ATXN1: variants seen among roughly 807,000 people sequenced by gnomAD.
ATXN1 encodes ataxin 1.
Under a neutral mutation model 56.4 loss-of-function variants are expected in ATXN1, and 8 were observed. That is an observed-to-expected ratio of 0.14 (90% CI 0.08 to 0.26). The LOEUF is 0.26. Ranked by LOEUF, ATXN1 falls within the 10% of genes least tolerant of loss-of-function variation. The pLI, the probability that ATXN1 is intolerant of heterozygous loss-of-function variation, is 1.00. For missense variants in ATXN1, 987 were observed against 1,106.5 expected (o/e 0.89, Z 1.53); for synonymous variants, 514 against 494.6 (o/e 1.04, Z -0.52).
intron 6 of ATXN1, among the ~76,000 whole-genome samples, chr6:16,381,104 A>C (rs1758099577): frequency 6.6e-6 from 1 of 152,174 alleles, no homozygotes; most frequent in Non-Finnish European, 1.5e-5. Flanking sequence ...AGTCTAGCCA[A>C]CATGGTGAAA....
At chr6:16,549,894 C>G (rs71554585) in intron 4 of ATXN1, among the ~76,000 whole-genome samples, 1 of 71,548 alleles carries the variant, frequency 1.4e-5, no homozygotes, top group South Asian at 5.5e-4. Context: ...GAAACTCTGT[C>G]TCAAAAAAAA....
intron 2 of ATXN1, among the ~76,000 whole-genome samples, chr6:16,726,047 G>A (rs1321313028): frequency 6.6e-6 from 1 of 152,144 alleles, no homozygotes; most frequent in Non-Finnish European, 1.5e-5. Context: ...TTAAGATGAA[G>A]CCCTAGAAAG....
intron 4 of ATXN1, among the ~76,000 whole-genome samples, chr6:16,575,072 A>C (rs1479085644): frequency 6.6e-6 from 1 of 152,142 alleles, no homozygotes; most frequent in African/African-American, 2.4e-5. Flanking sequence ...TCAGTGGGAC[A>C]CACGATGTCA....
At chr6:16,319,871 T>TA (rs1187765646) in intron 7 of ATXN1, among the ~76,000 whole-genome samples, 1 of 151,370 alleles carries the variant, frequency 6.6e-6, no homozygotes, top group Admixed American at 6.6e-5. Flanking sequence ...TTTTTTTTTT[T>TA]AGAGAGGTAC....
intron 6 of ATXN1, among the ~76,000 whole-genome samples, chr6:16,333,334 T>G (rs1393187706): frequency 1.3e-5 from 2 of 152,228 alleles, no homozygotes; most frequent in African/African-American, 4.8e-5. Context: ...TTCTTTGCTA[T>G]AATTTCATTT....
chr6:16,580,394 G>A (rs912542821), intron 4 of ATXN1, among the ~76,000 whole-genome samples: 1 of 152,204 alleles, frequency 6.6e-6, no homozygotes, highest in African/African-American at 2.4e-5. Flanking sequence ...AAAGCTGTAT[G>A]AAAGTTGGAT....
chr6:16,587,892 T>C (rs547304838), intron 3 of ATXN1, among the ~76,000 whole-genome samples: 8 of 151,306 alleles, frequency 5.3e-5, no homozygotes, highest in Non-Finnish European at 8.8e-5. Flanking sequence ...GATCGTGCCA[T>C]TGCACTACAG....
chr6:16,542,625 G>A (rs1445996505), intron 4 of ATXN1, among the ~76,000 whole-genome samples: 5 of 152,120 alleles, frequency 3.3e-5, no homozygotes, highest in Admixed American at 6.5e-5. Flanking sequence ...TACAACTAAC[G>A]AGTAGGAAAA....
intron 3 of ATXN1, among the ~76,000 whole-genome samples, chr6:16,625,701 T>C (rs1238180166): frequency 1.3e-5 from 2 of 152,016 alleles, no homozygotes; most frequent in Non-Finnish European, 2.9e-5. Context: ...AGTAACCATG[T>C]TATCAAGGAG....
At chr6:16,376,427 G>A (rs1418177988) in intron 6 of ATXN1, among the ~76,000 whole-genome samples, 1 of 152,214 alleles carries the variant, frequency 6.6e-6, no homozygotes, top group Non-Finnish European at 1.5e-5. Flanking sequence ...TAATCTAGGT[G>A]GAGTTGTTAT....
rs34556179 is a variant in ATXN1, at chr6:16,440,075, C to CAAA, written c.-161+45894_-161+45896dup. On this transcript the variant is annotated intron_variant, in intron 6 of 7. Transcript: ENST00000436367. ...GGGGGACAAGAGCAAGACTTCGTCT[C>CAAA]AAAAAAAAAAAAAAATTGAAGTGGG... Among the ~76,000 whole-genome samples the CAAA allele has an allele frequency of 2.5e-4, 28 of 111,768 alleles. No individual in the cohort carries two copies. In the East Asian group the frequency reaches 6.3e-3, roughly 25 times the overall value. The allele number at this position is 111,768 out of a possible 152,430, so 73.3% of individuals were successfully genotyped here.
chr6:16,732,337 G>A (rs2113487675), intron 2 of ATXN1, among the ~76,000 whole-genome samples: 1 of 152,222 alleles, frequency 6.6e-6, no homozygotes, highest in African/African-American at 2.4e-5. Context: ...TTAGGAGGCC[G>A]AGGCAGGTGG....
intron 4 of ATXN1, among the ~76,000 whole-genome samples, chr6:16,554,436 C>T (rs1302580278): frequency 1.3e-5 from 2 of 152,056 alleles, no homozygotes; most frequent in Non-Finnish European, 2.9e-5. Context: ...AAATGAAATG[C>T]TGTCCCTCAT....
intron 7 of ATXN1, among the ~76,000 whole-genome samples, chr6:16,312,217 T>C (rs979271790): frequency 6.6e-6 from 1 of 152,312 alleles, no homozygotes; most frequent in African/African-American, 2.4e-5. Context: ...AATTGATTAG[T>C]GCAAAAGTCA....
At chr6:16,689,322 T>C (rs1168406938) in intron 2 of ATXN1, among the ~76,000 whole-genome samples, 1 of 151,804 alleles carries the variant, frequency 6.6e-6, no homozygotes, top group Non-Finnish European at 1.5e-5. Context: ...TGTTGTAAGT[T>C]TTTACTTTTG....
chr6:16,667,715 C>G (rs1758455612), intron 2 of ATXN1, among the ~76,000 whole-genome samples: 1 of 152,138 alleles, frequency 6.6e-6, no homozygotes, highest in Non-Finnish European at 1.5e-5. Context: ...TAGTGTTATC[C>G]TTTTGAAGTG....
In ATXN1 at chr6:16,668,653, C is replaced by G. The variant is rs141254572; in HGVS notation, c.-614-10752G>C. Among the ~76,000 whole-genome samples the G allele has an allele frequency of 7.9e-5, 12 of 152,148 alleles. No homozygotes were observed. The East Asian group carries it at 2.1e-3, about 27-fold the overall frequency. ...AATAAAGTAGGATAGTATACTAACTCTTGGCAAAAAATTCTCAGCCATTCT... is the reference window on the plus strand; with the variant it reads ...AATAAAGTAGGATAGTATACTAACTGTTGGCAAAAAATTCTCAGCCATTCT... On this transcript the variant is annotated intron_variant, in intron 2 of 7. Coordinates refer to ENST00000436367, the MANE Select transcript of ATXN1 (RefSeq NM_001128164.2).
chr6:16,605,665 A>C (rs1251646887), intron 3 of ATXN1, among the ~76,000 whole-genome samples: 1 of 152,200 alleles, frequency 6.6e-6, no homozygotes, highest in Non-Finnish European at 1.5e-5. Context: ...AAGAACTACC[A>C]TCTCTCTCAG....
intron 6 of ATXN1, among the ~76,000 whole-genome samples, chr6:16,417,831 A>T (rs1758945941): frequency 6.6e-6 from 1 of 152,066 alleles, no homozygotes; most frequent in African/African-American, 2.4e-5. Flanking sequence ...TTGAAGAAGA[A>T]ATCCATGACC....
Sources: allele counts gnomAD v4.1 joint callset (sites outside exome capture counted in the v4.1 genomes callset), GRCh38; gene constraint gnomAD v4.1.1; transcripts MANE v1.5; gene names NCBI Gene and HGNC (gene_info 2026-07-23, HGNC 2026-07-21).